SETBP1: variants seen among roughly 807,000 people sequenced by gnomAD.
The protein encoded by SETBP1 is SET-binding protein.
A neutral mutation model predicts 101.0 loss-of-function variants in SETBP1; 9 were observed. The ratio of observed to expected loss-of-function variants is 0.09; its 90% CI spans 0.05 to 0.16. SETBP1 has a LOEUF of 0.16. Among genes scored for constraint, SETBP1 ranks in the 10% least tolerant of loss-of-function variants. The probability of loss-of-function intolerance (pLI) is 1.00; values close to 1 mark genes in which losing one functional copy is unlikely to be tolerated. For missense variants in SETBP1, 1,858 were observed against 2,033.8 expected (o/e 0.91, Z 1.66); for synonymous variants, 818 against 788.5 (o/e 1.04, Z -0.63).
chr18:44,982,649 A>G (rs74750228), intron 4 of SETBP1, among the ~76,000 whole-genome samples: 1 of 152,216 alleles, frequency 6.6e-6, no homozygotes, highest in Non-Finnish European at 1.5e-5. Context: ...TCTATCATTT[A>G]TGTATTTCTT....
intron 3 of SETBP1, among the ~76,000 whole-genome samples, chr18:44,883,475 T>C (rs652539): frequency 6.6e-6 from 1 of 151,946 alleles, no homozygotes; most frequent in Non-Finnish European, 1.5e-5. Context: ...AACTCCACTT[T>C]CCTTAAATAT....
rs1388299767 is a variant in SETBP1, at chr18:44,950,508, G to A, written c.1168G>A (p.Ala390Thr). The change falls in exon 4 of 6, where the codon GCC becomes ACC. Residue 390 changes from alanine to threonine, a missense_variant. Physicochemically the swap from Ala to Thr is moderately conservative, Grantham distance 58 (BLOSUM62 0). Coordinates refer to ENST00000649279, the MANE Select transcript of SETBP1 (RefSeq NM_015559.3). ...ACCAGCCAGGCAGAACGTGAGTTCT[G>A]CCAGTAATCCTGAAAATGACTCAAG... Reference protein sequence around the residue: ...ASPARQNVSSASNPENDSSHV... With the variant: ...ASPARQNVSSTSNPENDSSHV... 3 of 1,614,072 alleles carry A rather than the reference G, an allele frequency of 1.9e-6. No homozygotes were observed. The highest frequency in any genetic ancestry group is 2.5e-6 in the Non-Finnish European group (3 of 1,180,028).
At chr18:44,728,091 A>C (rs1260784754) in intron 2 of SETBP1, among the ~76,000 whole-genome samples, 1 of 152,146 alleles carries the variant, frequency 6.6e-6, no homozygotes, top group Non-Finnish European at 1.5e-5. Context: ...CTCATTTAAG[A>C]CTCACTACTT....
At chr18:44,887,227 AAGG>A (rs1175410779) in intron 3 of SETBP1, among the ~76,000 whole-genome samples, 1 of 152,148 alleles carries the variant, frequency 6.6e-6, no homozygotes, top group Non-Finnish European at 1.5e-5. Flanking sequence ...TGCCCAATAA[AAGG>A]AGGTTTCCTT....
chr18:44,879,794 C>G (rs961707517), intron 3 of SETBP1, among the ~76,000 whole-genome samples: 2 of 152,164 alleles, frequency 1.3e-5, no homozygotes, highest in Admixed American at 6.5e-5. Context: ...GCCATTTGAC[C>G]AGGAGAAGGG....
chr18:44,755,981 C>T (rs917467861), intron 2 of SETBP1, among the ~76,000 whole-genome samples: 8 of 151,984 alleles, frequency 5.3e-5, no homozygotes, highest in East Asian at 1.9e-4. Flanking sequence ...TTTGGGAGGC[C>T]GAGACAGGTG....
intron 4 of SETBP1, among the ~76,000 whole-genome samples, chr18:45,007,784 T>G (rs908745420): frequency 2.6e-5 from 4 of 152,186 alleles, no homozygotes; most frequent in African/African-American, 9.6e-5. Context: ...ATTTCATGAA[T>G]CTAACATGAT....
chr18:45,064,109 G>A lies in SETBP1; in HGVS notation c.*411G>A, dbSNP rs980337933. ...CCTCAATTAGGAAACATTCCAAGGG[G>A]AGAAAAGCTGCAAATTGCTCAACTG... On this transcript the variant is annotated 3_prime_UTR_variant, in exon 6 of 6. Coordinates refer to ENST00000649279, the MANE Select transcript of SETBP1 (RefSeq NM_015559.3). The A allele has an allele frequency of 5.9e-6, 1 of 169,214 alleles. No homozygotes were observed. The highest frequency in any genetic ancestry group is 2.4e-5 in the African/African-American group (1 of 41,916). The allele number at this position is 169,214 out of a possible 1,614,324, so 10.5% of individuals were successfully genotyped here. A position where few individuals can be genotyped will look rare whatever the true frequency, so the allele number is the denominator to read the frequency against.
At chr18:44,703,407 G>GTTTTTTTTTTTT (rs1555670107) in intron 2 of SETBP1, among the ~76,000 whole-genome samples, 1 of 84,858 alleles carries the variant, frequency 1.2e-5, no homozygotes, top group Non-Finnish European at 2.4e-5. Flanking sequence ...CTTTGGGGCA[G>GTTTTTTTTTTTT]TTATTTTCAA....
intron 2 of SETBP1, among the ~76,000 whole-genome samples, chr18:44,772,261 A>G (rs2070890561): frequency 6.6e-6 from 1 of 152,100 alleles, no homozygotes; most frequent in Non-Finnish European, 1.5e-5. Flanking sequence ...TGACTGTAAA[A>G]TTATTGTCTG....
chr18:44,840,330 T>TA (rs1432693660), intron 2 of SETBP1, among the ~76,000 whole-genome samples: 1 of 152,240 alleles, frequency 6.6e-6, no homozygotes, highest in African/African-American at 2.4e-5. Context: ...CTACCCTTGC[T>TA]AGATCCCAGC....
At chr18:44,898,146 C>G (rs2069952894) in intron 3 of SETBP1, among the ~76,000 whole-genome samples, 1 of 152,180 alleles carries the variant, frequency 6.6e-6, no homozygotes. Context: ...CCTCCACATT[C>G]TTTCTGGATC....
chr18:44,957,537 C>A (rs193169111), intron 4 of SETBP1, among the ~76,000 whole-genome samples: 1 of 152,208 alleles, frequency 6.6e-6, no homozygotes, highest in Non-Finnish European at 1.5e-5. Context: ...TTTCAGATAT[C>A]CAAATTCTGC....
intron 2 of SETBP1, among the ~76,000 whole-genome samples, chr18:44,844,184 AT>A (rs1414197917): frequency 6.6e-6 from 1 of 152,112 alleles, no homozygotes; most frequent in African/African-American, 2.4e-5. Flanking sequence ...AAAGGAGAAT[AT>A]ATTTGATATC....
chr18:44,753,539 G>C (rs577478609), intron 2 of SETBP1, among the ~76,000 whole-genome samples: 1 of 152,304 alleles, frequency 6.6e-6, no homozygotes, highest in South Asian at 2.1e-4. Flanking sequence ...AGCCTTTCTA[G>C]GCCATTGCTT....
intron 4 of SETBP1, among the ~76,000 whole-genome samples, chr18:44,956,023 T>C (rs1472485218): frequency 1.3e-5 from 2 of 152,178 alleles, no homozygotes; most frequent in Non-Finnish European, 2.9e-5. Flanking sequence ...GCACTCTGAG[T>C]TATTTTTGCC....
At chr18:45,049,054 G>C (rs1289312954) in intron 5 of SETBP1, among the ~76,000 whole-genome samples, 3 of 151,226 alleles carry the variant, frequency 2.0e-5, no homozygotes, top group Non-Finnish European at 4.4e-5. Flanking sequence ...TACGTGGGAA[G>C]GCCTGCCTCC....
At chr18:44,853,235 C>T (rs918656848) in intron 2 of SETBP1, among the ~76,000 whole-genome samples, 2 of 152,188 alleles carry the variant, frequency 1.3e-5, no homozygotes, top group East Asian at 1.9e-4. Context: ...AAAGCCCCTC[C>T]GCATTGCCCA....
chr18:45,026,039 A>G (rs762318432), intron 4 of SETBP1, among the ~76,000 whole-genome samples: 1 of 152,248 alleles, frequency 6.6e-6, no homozygotes, highest in Non-Finnish European at 1.5e-5. Flanking sequence ...GATCTGTATT[A>G]CCATGCAGAT....
Sources: gnomAD v4.1 joint callset for allele counts (sites outside exome capture counted in the v4.1 genomes callset) on GRCh38, gnomAD v4.1.1 for gene constraint, MANE v1.5 for transcripts, NCBI Gene and HGNC (gene_info 2026-07-23, HGNC 2026-07-21) for gene names.